Variants in FBLN1 observed in about 807,000 individuals in gnomAD.
FBLN1 encodes fibulin-1.
A neutral mutation model predicts 89.7 loss-of-function variants in FBLN1; 34 were observed. The ratio of observed to expected loss-of-function variants is 0.38; its 90% CI spans 0.29 to 0.50. FBLN1 has a LOEUF of 0.50. FBLN1 is among the 20% of genes least tolerant of loss of function. The probability of loss-of-function intolerance (pLI) is 0.92; values close to 1 mark genes in which losing one functional copy is unlikely to be tolerated. For synonymous variants in FBLN1, 393 were observed against 391.3 expected, an observed-to-expected ratio of 1.00 and a Z score of -0.05; for missense variants, 777 against 988.1, an observed-to-expected ratio of 0.79 and a Z score of 2.86.
chr22:45,533,827 G>T lies in FBLN1; in HGVS notation c.713G>T (p.Gly238Val). Residue 238 changes from glycine (G) to valine (V), a missense_variant, in exon 7 of 17, where the codon GGC becomes GTC. Coordinates refer to ENST00000327858, the MANE Select transcript of FBLN1 (RefSeq NM_006486.3). ...RLGESCINTV[G>V]SFRCQRDSSC... ...GGAGAATCCTGCATCAACACAGTGGGCTCTTTCCGCTGCCAGCGGGACAGC... is the reference window on the plus strand; with the variant it reads ...GGAGAATCCTGCATCAACACAGTGGTCTCTTTCCGCTGCCAGCGGGACAGC... The T allele has an allele frequency of 6.2e-7, 1 of 1,613,960 alleles. No homozygotes were observed.
rs557990528 is a variant in FBLN1, at chr22:45,572,336, G to A, written c.1698-2175G>A. On this transcript the variant is annotated intron_variant, in intron 14 of 16. Transcript: ENST00000327858. This position sits in a 1 kb window ranked among gnomAD's most constrained non-coding sequence, Gnocchi z 5.8. ...AGGAGCCAACTTCATTTTCCCTCTG[G>A]CAAGAGATGGGAAAATTTGAGTTTC... Among the ~76,000 whole-genome samples, 12 of 152,202 alleles carry A rather than the reference G, an allele frequency of 7.9e-5. No homozygotes were observed. The highest frequency in any genetic ancestry group is 2.6e-4 in the African/African-American group (11 of 41,514).
chr22:45,577,059 G>A lies in FBLN1; in HGVS notation c.1923G>A (p.Leu641=), dbSNP rs927574229. 2 of 1,614,166 alleles carry A rather than the reference G, an allele frequency of 1.2e-6. No individual in the cohort carries two copies. Among genetic ancestry groups the A allele is most frequent in the African/African-American group, 1.3e-5 (1 of 75,034 alleles). The change falls in exon 16 of 17, where the codon CTG becomes CTA. Residue 641 remains leucine (L), a synonymous_variant. Coordinates refer to ENST00000327858, the MANE Select transcript of FBLN1 (RefSeq NM_006486.3). The surrounding 1 kb of genome is among the most constrained non-coding windows in gnomAD (Gnocchi z 6.6). ...NIIFDITEGN[L]RDSFDIIKRY... is the part of the protein sequence containing the mutation. ...TCTTCGACATCACGGAAGGGAACCT[G>A]CGGGACTCTTTTGACATCATCAAGC...
At chr22:45,586,192 C>T (rs2089084111) in intron 16 of FBLN1, among the ~76,000 whole-genome samples, 2 of 152,244 alleles carry the variant, frequency 1.3e-5, no homozygotes, top group African/African-American at 4.8e-5. Flanking sequence ...CTCAAGGCCT[C>T]AGCCCCAGGA....
chr22:45,544,379 G>A (rs558731328), intron 11 of FBLN1, among the ~76,000 whole-genome samples: 55 of 152,236 alleles, frequency 3.6e-4, no homozygotes, highest in Non-Finnish European at 6.5e-4. Context: ...GAGCCACCGC[G>A]CCCGGCCTGC....
chr22:45,596,684 TATG>T (rs201735666), intron 16 of FBLN1, among the ~76,000 whole-genome samples: 15,332 of 141,054 alleles, frequency 0.11, 1,094 homozygotes, highest in African/African-American at 0.22. Flanking sequence ...AGCAACATAA[TATG>T]ATAATTATAT....
rs1466118429 is a variant in FBLN1 at position 45,600,495 on chromosome 22, G to C, written c.*49G>C. 6.2e-7 allele frequency: 1 copy of C among 1,611,126 alleles called. No homozygotes were observed. Among genetic ancestry groups the C allele is most frequent in the East Asian group, 2.2e-5 (1 of 44,868 alleles). ...AGGTGCACCTCCAGGCCAAATCATT[G>C]CTGCCAGTGACTGTGGTCTGTACTT... On this transcript the variant is annotated 3_prime_UTR_variant, in exon 17 of 17. Transcript: ENST00000327858.
intron 1 of FBLN1, among the ~76,000 whole-genome samples, chr22:45,508,802 T>C (rs1421176878): frequency 6.6e-6 from 1 of 152,218 alleles, no homozygotes; most frequent in African/African-American, 2.4e-5. Flanking sequence ...CGGACATTTA[T>C]TGAATGACTG....
chr22:45,516,377 T>C (rs1404077653), intron 1 of FBLN1, among the ~76,000 whole-genome samples: 1 of 152,242 alleles, frequency 6.6e-6, no homozygotes, highest in East Asian at 1.9e-4. Flanking sequence ...GATCACATCC[T>C]GTTCATCCAG....
intron 4 of FBLN1, among the ~76,000 whole-genome samples, chr22:45,529,557 A>G (rs1420911494): frequency 6.6e-6 from 1 of 151,818 alleles, no homozygotes; most frequent in African/African-American, 2.4e-5. Flanking sequence ...CTTTGCCCCC[A>G]CTCTCTTAAA....
At position 45,576,961 on chromosome 22, in the gene FBLN1, T is replaced by C. The variant is rs774985257; in HGVS notation, c.1841-16T>C. ...CCAGGCTGTGCTGAGCCCTTCTCCATTCTGTGCCTCTGCAGAGATCATCTT... is the reference window on the plus strand; with the variant it reads ...CCAGGCTGTGCTGAGCCCTTCTCCACTCTGTGCCTCTGCAGAGATCATCTT... On this transcript the variant is annotated splice_polypyrimidine_tract_variant and intron_variant, in intron 15 of 16. Coordinates refer to ENST00000327858, the MANE Select transcript of FBLN1 (RefSeq NM_006486.3). The surrounding 1 kb of genome is among the most constrained non-coding windows in gnomAD (Gnocchi z 5.2). 2.4e-5 allele frequency: 38 copies of C among 1,613,422 alleles called. No individual in the cohort carries two copies. Among genetic ancestry groups the C allele is most frequent in the Non-Finnish European group, 3.1e-5 (37 of 1,180,006 alleles).
chr22:45,543,209 T>C (rs1425109800), intron 10 of FBLN1, among the ~76,000 whole-genome samples, 192 bp from the exon 11 acceptor site: 2 of 151,982 alleles, frequency 1.3e-5, no homozygotes, highest in African/African-American at 4.8e-5. Flanking sequence ...GAGGTTGCAG[T>C]GAGCTGAGAT....
rs1425396922 is a variant in FBLN1, at chr22:45,563,500, C to T, written c.1698-11011C>T. ...CGCTCCCCACTAGAGGGTGTGTGCT[C>T]GGGGGTCCCTGTTCACAGAGCCCAC... is the stretch of plus-strand genomic sequence containing the variant. On this transcript the variant is annotated intron_variant, in intron 14 of 16. Coordinates refer to ENST00000327858, the MANE Select transcript of FBLN1 (RefSeq NM_006486.3). The surrounding 1 kb of genome is among the most constrained non-coding windows in gnomAD (Gnocchi z 5.7). 32 of 829,646 alleles carry T rather than the reference C, an allele frequency of 3.9e-5. No homozygotes were observed. The East Asian group carries it at 6.9e-4, about 18-fold the overall frequency. 51.4% of individuals were successfully genotyped at this position (829,646 alleles called of 1,614,324 possible). A position where few individuals can be genotyped will look rare whatever the true frequency, so the allele number is the denominator to read the frequency against.
At chr22:45,522,076 C>T (rs887051757) in intron 2 of FBLN1, among the ~76,000 whole-genome samples, 1 of 152,108 alleles carries the variant, frequency 6.6e-6, no homozygotes, top group Middle Eastern at 3.4e-3. Flanking sequence ...ACCTCCGCTT[C>T]CTGGGTTCAA....
At chr22:45,525,293 G>C (rs1183584809) in intron 2 of FBLN1, among the ~76,000 whole-genome samples, 1 of 152,230 alleles carries the variant, frequency 6.6e-6, no homozygotes, top group Non-Finnish European at 1.5e-5. Flanking sequence ...GGGCTCAACT[G>C]GTCTTCCCAC....
In FBLN1 at chr22:45,525,558, G is replaced by T. The variant is rs1401143271; in HGVS notation, c.201G>T (p.Gln67His). ...TCACCCACAGGATGGTGCAGGAGCAGTGCTGCCACAGCCAGCTGGAGGAGC... is the reference window on the plus strand; with the variant it reads ...TCACCCACAGGATGGTGCAGGAGCATTGCTGCCACAGCCAGCTGGAGGAGC... ...ESKECRMVQEQCCHSQLEELH... is the reference protein window; with the variant it reads ...ESKECRMVQEHCCHSQLEELH... The change falls in exon 3 of 17, where the codon CAG becomes CAT. Residue 67 changes from glutamine to histidine, a missense_variant. By Grantham distance (24) the Gln-to-His change is conservative. Coordinates refer to ENST00000327858, the MANE Select transcript of FBLN1 (RefSeq NM_006486.3). 1.3e-6 allele frequency: 2 copies of T among 1,549,532 alleles called. No individual in the cohort carries two copies. The highest frequency in any genetic ancestry group is 1.7e-6 in the Non-Finnish European group (2 of 1,146,816).
In FBLN1 at chr22:45,531,243, A is replaced by G. The variant is rs1157365141; in HGVS notation, c.485-22A>G. The G allele has an allele frequency of 6.2e-7, 1 of 1,610,784 alleles. No individual in the cohort carries two copies. Among genetic ancestry groups the G allele is most frequent in the South Asian group, 1.1e-5 (1 of 91,014 alleles). On this transcript the variant is annotated intron_variant, in intron 4 of 16. Transcript: ENST00000327858. This position sits in a 1 kb window ranked among gnomAD's most constrained non-coding sequence, Gnocchi z 4.9. The stretch of plus-strand genomic sequence containing the variant: ...AGATGGGTGTTTGGATAAATGTCTG[A>G]CTTGGTCTTTTTCCCCCTTAGATAA...
rs200716122 is a variant in FBLN1 at position 45,577,007 on chromosome 22, C to T, written c.1871C>T (p.Pro624Leu). The T allele has an allele frequency of 1.0e-4, 161 of 1,614,016 alleles. 1 individual carries two copies. The highest frequency in any genetic ancestry group is 3.4e-4 in the South Asian group (31 of 91,086). ...ATCTTCCTCCGGGCCATCACGCCAC[C>T]GCATCCTGCCAGCCAGGCTAACATC... ...EIIFLRAITP[P>L]HPASQANIIF... The change falls in exon 16 of 17, where the codon CCG (proline) becomes CTG (leucine). Residue 624 changes from proline (P) to leucine (L), a missense_variant. Physicochemically the swap from Pro to Leu is moderately conservative, Grantham distance 98. Coordinates refer to ENST00000327858, the MANE Select transcript of FBLN1 (RefSeq NM_006486.3). The surrounding 1 kb of genome is among the most constrained non-coding windows in gnomAD (Gnocchi z 6.6).
intron 16 of FBLN1, 139 bp from the exon 17 acceptor site, chr22:45,600,168 A>G: frequency 1.0e-6 from 1 of 981,404 alleles, no homozygotes; most frequent in Admixed American, 1.7e-5. Flanking sequence ...AGGGGACTCG[A>G]GCATCTGGCG....
At position 45,518,728 on chromosome 22, in the gene FBLN1, G is replaced by A; in HGVS notation, c.126G>A (p.Arg42=). The A allele has an allele frequency of 6.2e-7, 1 of 1,612,340 alleles. No individual in the cohort carries two copies. Among genetic ancestry groups the A allele is most frequent in the African/African-American group, 1.3e-5 (1 of 75,030 alleles). The part of the protein sequence containing the change: ...LLEACCADGH[R]MATHQKDCSL... ...AGGCCTGCTGTGCGGACGGACACCG[G>A]ATGGCCACTCATCAGAAGGACTGCT... The change falls in exon 2 of 17, where the codon CGG becomes CGA. Residue 42 remains arginine (R), a synonymous_variant. Transcript: ENST00000327858.
Sources: gnomAD v4.1 joint callset for allele counts (sites outside exome capture counted in the v4.1 genomes callset) on GRCh38, gnomAD v4.1.1 for gene constraint, Gnocchi (gnomAD v3.1) non-coding constraint, MANE v1.5 for transcripts, NCBI Gene and HGNC (gene_info 2026-07-23, HGNC 2026-07-21) for gene names.